Variants in ANK3 observed in about 807,000 individuals in gnomAD.
ANK3 encodes ankyrin 3.
A neutral mutation model predicts 370.9 loss-of-function variants in ANK3; 57 were observed. The observed-to-expected ratio is 0.15, with a 90% CI of 0.12 to 0.19. The LOEUF (loss-of-function observed/expected upper bound fraction) is 0.19. Ranked by LOEUF, ANK3 falls within the 10% of genes least tolerant of loss-of-function variation. The pLI is 1.00. For missense variants in ANK3, 4,439 were observed against 5,302.1 expected, an observed-to-expected ratio of 0.84 and a Z score of 5.06; for synonymous variants, 1,929 against 1,946.3, an observed-to-expected ratio of 0.99 and a Z score of 0.23.
intron 2 of ANK3, among the ~76,000 whole-genome samples, chr10:60,506,144 G>A (rs544217761): frequency 2.6e-5 from 4 of 152,168 alleles, no homozygotes; most frequent in African/African-American, 9.6e-5. Context: ...GCTCACTGAT[G>A]CAGGAAAATA....
intron 2 of ANK3, among the ~76,000 whole-genome samples, chr10:60,487,261 G>C (rs1197828746): frequency 1.3e-5 from 2 of 152,142 alleles, no homozygotes; most frequent in Non-Finnish European, 2.9e-5. Context: ...TTTGCATTAA[G>C]ATAAGAGAAC....
chr10:60,159,714 G>C (rs1003654660), intron 23 of ANK3, among the ~76,000 whole-genome samples: 2 of 152,080 alleles, frequency 1.3e-5, no homozygotes, highest in Non-Finnish European at 2.9e-5. Flanking sequence ...ATCATGTCAA[G>C]TCTCTTTTCT....
intron 2 of ANK3, among the ~76,000 whole-genome samples, chr10:60,419,155 C>T (rs1384167222): frequency 1.3e-5 from 2 of 151,936 alleles, no homozygotes; most frequent in Admixed American, 6.6e-5. Flanking sequence ...TACAAATGTC[C>T]CACAAGCTCA....
At chr10:60,528,046 A>T (rs2076515489) in intron 2 of ANK3, among the ~76,000 whole-genome samples, 2 of 152,026 alleles carry the variant, frequency 1.3e-5, no homozygotes, top group Admixed American at 1.3e-4. Flanking sequence ...ATGCAAAACG[A>T]TCCATAAGCA....
chr10:60,330,775 CA>C (rs2051049685), intron 1 of ANK3, among the ~76,000 whole-genome samples: 1 of 152,072 alleles, frequency 6.6e-6, no homozygotes, highest in African/African-American at 2.4e-5. Context: ...GGTATATACC[CA>C]AAGGATTATA....
intron 1 of ANK3, among the ~76,000 whole-genome samples, chr10:60,364,703 C>T (rs7921192): frequency 2.0e-5 from 3 of 151,662 alleles, no homozygotes; most frequent in Admixed American, 1.3e-4. Flanking sequence ...AAAAAATGGA[C>T]GTAATTTGTT....
intron 2 of ANK3, among the ~76,000 whole-genome samples, chr10:60,429,289 C>T (rs908030199): frequency 1.3e-5 from 2 of 152,008 alleles, no homozygotes; most frequent in Non-Finnish European, 2.9e-5. Context: ...TATCTTCCTT[C>T]CTGTTTCTCT....
At chr10:60,356,594 T>C (rs1302316890) in intron 1 of ANK3, among the ~76,000 whole-genome samples, 5 of 152,196 alleles carry the variant, frequency 3.3e-5, no homozygotes, top group African/African-American at 9.6e-5. Flanking sequence ...TTGGACTCTA[T>C]TGGATTGCCA....
rs1348389518 is a variant in ANK3 at position 60,055,750 on chromosome 10, T to G, written c.12973A>C (p.Ser4325Arg). The G allele has an allele frequency of 1.2e-6, 2 of 1,614,230 alleles. No homozygotes were observed. Among genetic ancestry groups the G allele is most frequent in the Non-Finnish European group, 1.7e-6 (2 of 1,180,032 alleles). The change falls in exon 42 of 44, where the codon AGT becomes CGT. Residue 4325 changes from serine (S) to arginine (R), a missense_variant. Ser to Arg is a moderately radical substitution (Grantham distance 110). Coordinates refer to ENST00000280772, the MANE Select transcript of ANK3 (RefSeq NM_020987.5). ...IEETKPCVPV[S>R]MKKMSRTSPA... ...GAAGTCCTACTCATCTTTTTCATAC[T>G]GACAGGCACACAGGGTTTAGTCTCT...
chr10:60,692,706 G>C (rs2079373991), intron 1 of ANK3, among the ~76,000 whole-genome samples: 1 of 152,148 alleles, frequency 6.6e-6, no homozygotes, highest in African/African-American at 2.4e-5. Context: ...AAAGAAATCA[G>C]ACTCTAACAT....
chr10:60,109,325 A>G lies in ANK3; in HGVS notation c.2949-271T>C, dbSNP rs373821271. ...TTACCAGGCTCAAATGGAAGGAATAAGGAAGGTTTCAAAACTGGAGTAAAA... is the reference window on the plus strand; with the variant it reads ...TTACCAGGCTCAAATGGAAGGAATAGGGAAGGTTTCAAAACTGGAGTAAAA... On this transcript the variant is annotated intron_variant, in intron 26 of 43. Transcript: ENST00000280772. 5.3e-5 allele frequency among the ~76,000 whole-genome samples: 8 copies of G among 152,308 alleles called. No individual in the cohort carries two copies. The East Asian group carries it at 1.2e-3, about 22-fold the overall frequency.
intron 2 of ANK3, among the ~76,000 whole-genome samples, chr10:60,505,711 C>T (rs985499266): frequency 1.3e-5 from 2 of 152,130 alleles, no homozygotes; most frequent in African/African-American, 4.8e-5. Context: ...CACTCCAACT[C>T]TTTCAGAATA....
chr10:60,201,148 G>A (rs898311114), intron 12 of ANK3, among the ~76,000 whole-genome samples: 19 of 152,202 alleles, frequency 1.2e-4, no homozygotes, highest in African/African-American at 4.6e-4. Context: ...GGAAACTGGT[G>A]GATTGTGTTT....
At chr10:60,265,625 G>T (rs1592720355) in intron 5 of ANK3, among the ~76,000 whole-genome samples, 1 of 151,932 alleles carries the variant, frequency 6.6e-6, no homozygotes, top group South Asian at 2.1e-4. Flanking sequence ...TTTTATTTGG[G>T]TCATGATATT....
intron 2 of ANK3, among the ~76,000 whole-genome samples, chr10:60,515,291 A>G (rs1386877313): frequency 6.6e-6 from 1 of 152,134 alleles, no homozygotes; most frequent in Non-Finnish European, 1.5e-5. Flanking sequence ...TGCAGGAAGC[A>G]TTGACCATAA....
At chr10:60,479,597 T>C (rs1406021256) in intron 2 of ANK3, among the ~76,000 whole-genome samples, 1 of 152,114 alleles carries the variant, frequency 6.6e-6, no homozygotes, top group Non-Finnish European at 1.5e-5. Flanking sequence ...GAATTATATG[T>C]CAGCTAAAAA....
chr10:60,055,688 T>A lies in ANK3; in HGVS notation c.13035A>T (p.Glu4345Asp). 6.2e-7 allele frequency: 1 copy of A among 1,613,194 alleles called. No homozygotes were observed. Among genetic ancestry groups the A allele is most frequent in the Non-Finnish European group, 8.5e-7 (1 of 1,179,784 alleles). Residue 4345 changes from glutamate (E) to aspartate (D), a missense_variant, in exon 42 of 44, where the codon GAA becomes GAT. Transcript: ENST00000280772. Reference protein sequence around the residue: ...ADGKPRLSLHEEEGSSGSEQK... With the variant: ...ADGKPRLSLHDEEGSSGSEQK... ...GCTCAGACCCACTGGACCCCTCTTC[T>A]TCATGGAGGCTAAGCCTTGGCTTGC...
At chr10:60,390,954 T>C (rs1456365537), upstream of ANK3, among the ~76,000 whole-genome samples, 1 of 152,098 alleles carries the variant, frequency 6.6e-6, no homozygotes, top group Non-Finnish European at 1.5e-5. Flanking sequence ...CATGTGAGGA[T>C]TTGGTTGGGG....
At chr10:60,140,084 C>G in intron 23 of ANK3, 1 of 490,232 alleles carries the variant, frequency 2.0e-6, no homozygotes, top group Non-Finnish European at 3.6e-6. Flanking sequence ...ATATATTTTC[C>G]AATTCCTGCA....
Sources: gnomAD v4.1 joint callset for allele counts (sites outside exome capture counted in the v4.1 genomes callset) on GRCh38, gnomAD v4.1.1 for gene constraint, MANE v1.5 for transcripts, NCBI Gene and HGNC (gene_info 2026-07-23, HGNC 2026-07-21) for gene names.